The following WDR81 variants were observed in gnomAD, a reference collection of about 807,000 sequenced individuals.
WDR81 encodes WD repeat domain 81.
A neutral mutation model predicts 140.8 loss-of-function variants in WDR81; 92 were observed. The ratio of observed to expected loss-of-function variants is 0.65; its 90% CI spans 0.55 to 0.78. The LOEUF (loss-of-function observed/expected upper bound fraction) is 0.78. WDR81 is among the 30% of genes least tolerant of loss of function. WDR81 has a pLI of 0.00. For synonymous variants in WDR81, 1,183 were observed against 1,156.4 expected, an observed-to-expected ratio of 1.02 and a Z score of -0.47; for missense variants, 2,502 against 2,636.4, an observed-to-expected ratio of 0.95 and a Z score of 1.12.
intron 1 of WDR81, among the ~76,000 whole-genome samples, chr17:1,719,513 C>T (rs1242835928): frequency 6.7e-6 from 1 of 148,780 alleles, no homozygotes; most frequent in Non-Finnish European, 1.5e-5. Context: ...TGGGCCACTG[C>T]ACTCCAGCCT....
intron 1 of WDR81, among the ~76,000 whole-genome samples, chr17:1,730,000 AAAAAAG>A (rs1242317142): frequency 5.0e-5 from 5 of 100,482 alleles, no homozygotes; most frequent in African/African-American, 1.6e-4. Context: ...CAAAAAAAAA[AAAAAAG>A]AAGAAGAAGA....
At chr17:1,730,026 G>GAAGAGAAT (rs1162578760) in intron 1 of WDR81, among the ~76,000 whole-genome samples, 1 of 140,282 alleles carries the variant, frequency 7.1e-6, no homozygotes, top group Non-Finnish European at 1.6e-5. Flanking sequence ...AAGAAGAGAA[G>GAAGAGAAT]CAGGGAAAGG....
Position 1,734,754 on chromosome 17 carries a change from G to A in WDR81, c.5179+538G>A, listed in dbSNP as rs149546480. Among the ~76,000 whole-genome samples the A allele has an allele frequency of 4.2e-3, 628 of 150,092 alleles. 4 individuals carry two copies. Among genetic ancestry groups the A allele is most frequent in the African/African-American group, 0.014 (590 of 40,876 alleles). Reference sequence around the variant, plus strand: ...AGATCGCACCACTGCACTCCAGCCCGGGCAACAGAGCGAGACTCTGTCTCA... The same window carrying A: ...AGATCGCACCACTGCACTCCAGCCCAGGCAACAGAGCGAGACTCTGTCTCA... On this transcript the variant is annotated intron_variant, in intron 7 of 9. Coordinates refer to ENST00000409644, the MANE Select transcript of WDR81 (RefSeq NM_001163809.2).
At chr17:1,718,167 G>A (rs548832446) in intron 1 of WDR81, among the ~76,000 whole-genome samples, 1 of 151,976 alleles carries the variant, frequency 6.6e-6, no homozygotes, top group East Asian at 1.9e-4. Flanking sequence ...GCCCAGGCTG[G>A]AGTGCAGTGG....
chr17:1,725,056 A>G lies in WDR81; in HGVS notation c.97A>G (p.Ser33Gly). The change falls in exon 1 of 10, where the codon AGC becomes GGC. Residue 33 changes from serine (S) to glycine (G), a missense_variant. This residue lies in a region of WDR81 where 547 missense variants were observed against 513.8 expected (regional missense o/e 1.06). Coordinates refer to ENST00000409644, the MANE Select transcript of WDR81 (RefSeq NM_001163809.2). ...CCCAGACATGCAGGAGCTGCTCCGG[A>G]GCGTGGAGAGGGACCTGAGCATCGA... is the stretch of plus-strand genomic sequence containing the variant. ...PSPDMQELLR[S>G]VERDLSIDPR... 1 of 1,482,130 alleles carries G rather than the reference A, an allele frequency of 6.7e-7. No individual in the cohort carries two copies. Among genetic ancestry groups the G allele is most frequent in the Non-Finnish European group, 9.0e-7 (1 of 1,116,448 alleles). The allele number at this position is 1,482,130 out of a possible 1,614,324, so 91.8% of individuals were successfully genotyped here.
chr17:1,716,611 G>T, exon 1 of WDR81: 1 of 1,551,488 alleles, frequency 6.4e-7, no homozygotes. Context: ...TGACACCGTC[G>T]TTCCCAGAAC....
chr17:1,718,274 C>T (rs1048292222), intron 1 of WDR81, among the ~76,000 whole-genome samples: 1 of 152,200 alleles, frequency 6.6e-6, no homozygotes, highest in Admixed American at 6.5e-5. Context: ...TGCGCTACCA[C>T]TCCCAGCTAA....
chr17:1,732,562 G>T lies in WDR81; in HGVS notation c.4323+72G>T, dbSNP rs1278907017. The T allele has an allele frequency of 4.4e-6, 7 of 1,583,884 alleles. No homozygotes were observed. The East Asian group carries it at 1.6e-4, about 36-fold the overall frequency. ...ACCTGGGTGACCCCCTGGGCATCTTGCTCATAGGATCTGAAGCTGGACTCC... is the reference window on the plus strand; with the variant it reads ...ACCTGGGTGACCCCCTGGGCATCTTTCTCATAGGATCTGAAGCTGGACTCC... On this transcript the variant is annotated intron_variant, in intron 5 of 9. Coordinates refer to ENST00000409644, the MANE Select transcript of WDR81 (RefSeq NM_001163809.2).
chr17:1,726,247 G>T lies in WDR81; in HGVS notation c.1288G>T (p.Gly430Cys). 1 of 1,533,728 alleles carries T rather than the reference G, an allele frequency of 6.5e-7. No homozygotes were observed. Among genetic ancestry groups the T allele is most frequent in the African/African-American group, 1.4e-5 (1 of 72,982 alleles). ...TRQAFVAGGA[G>C]GGEPPHVPHH... ...GCAGGCATTCGTAGCAGGCGGGGCG[G>T]GCGGCGGGGAACCCCCTCATGTTCC... is the stretch of plus-strand genomic sequence containing the variant. Residue 430 changes from glycine to cysteine, a missense_variant, in exon 1 of 10, where the codon GGC becomes TGC. Gly to Cys is a radical substitution (Grantham distance 159). Coordinates refer to ENST00000409644, the MANE Select transcript of WDR81 (RefSeq NM_001163809.2).
chr17:1,737,415 C>T lies in WDR81; in HGVS notation c.5556C>T (p.Thr1852=), dbSNP rs1045794. 0.21 allele frequency: 337,140 copies of T among 1,612,654 alleles called. 36,835 individuals are homozygous for T. The highest frequency in any genetic ancestry group is 0.23 in the Non-Finnish European group (271,502 of 1,179,838). Residue 1852 remains threonine, a synonymous_variant, in exon 10 of 10, where the codon ACC becomes ACT. Coordinates refer to ENST00000409644, the MANE Select transcript of WDR81 (RefSeq NM_001163809.2). ...LVSSSSDHSL[T]VWKELEQKPT... ...GCTCCTCCTCTGACCATTCCTTGACCGTCTGGAAGGAGCTGGAGCAGAAGC... is the reference window on the plus strand; with the variant it reads ...GCTCCTCCTCTGACCATTCCTTGACTGTCTGGAAGGAGCTGGAGCAGAAGC...
At position 1,726,316 on chromosome 17, in the gene WDR81, T is replaced by C; in HGVS notation, c.1357T>C (p.Tyr453His). The C allele has an allele frequency of 6.5e-7, 1 of 1,544,446 alleles. No individual in the cohort carries two copies. Among genetic ancestry groups the C allele is most frequent in the Non-Finnish European group, 8.8e-7 (1 of 1,142,830 alleles). The change falls in exon 1 of 10, where the codon TAC becomes CAC. Residue 453 changes from tyrosine (Y) to histidine (H), a missense_variant. This residue lies in a region of WDR81 where 218 missense variants were observed against 279.6 expected (regional missense o/e 0.78). Transcript: ENST00000409644. ...DVLSDITYYV[Y>H]KARRTPRSVL... is the part of the protein sequence containing the mutation. ...GCTCTCCGACATCACGTACTATGTG[T>C]ACAAGGCTCGGCGCACGCCTCGGTC...
In WDR81 at chr17:1,730,843, C is replaced by T. The variant is rs546403974; in HGVS notation, c.3864C>T (p.Gly1288=). Residue 1288 remains glycine (G), a synonymous_variant, in exon 3 of 10, where the codon GGC becomes GGT. Transcript: ENST00000409644. ...TCTACCAGAAGAGGCCGGTCCTGGG[C>T]GACATCGTGTCAGGGCCTGTGCTCA... The part of the protein sequence containing the change: ...GNIYQKRPVL[G]DIVSGPVLSC... The T allele has an allele frequency of 4.0e-5, 65 of 1,612,766 alleles. No individual in the cohort carries two copies. The South Asian group carries it at 5.4e-4, about 13-fold the overall frequency.
intron 6 of WDR81, 194 bp downstream of exon 6, chr17:1,733,025 G>C: frequency 1.5e-6 from 1 of 667,884 alleles, no homozygotes; most frequent in Non-Finnish European, 2.4e-6. Context: ...TAGCCAGCAA[G>C]AGAGGCCCAG....
Position 1,725,351 on chromosome 17 carries a change from G to T in WDR81, c.392G>T (p.Gly131Val). 6.5e-7 allele frequency: 1 copy of T among 1,549,232 alleles called. No homozygotes were observed. The highest frequency in any genetic ancestry group is 8.7e-7 in the Non-Finnish European group (1 of 1,146,966). The change falls in exon 1 of 10, where the codon GGC becomes GTC. Residue 131 changes from glycine to valine, a missense_variant. Gly to Val is a moderately radical substitution (Grantham distance 109, BLOSUM62 -3). Around this residue, in one of 3 missense-constraint regions of WDR81, gnomAD observed 547 missense variants for 513.8 expected, o/e 1.06. Coordinates refer to ENST00000409644, the MANE Select transcript of WDR81 (RefSeq NM_001163809.2). ...GGLPFEDGSC[G>V]PETLTRFMQE... is the part of the protein sequence containing the mutation. ...CTGCCCTTTGAGGACGGGTCCTGCGGCCCTGAGACCCTCACTCGCTTCATG... is the reference window on the plus strand; with the variant it reads ...CTGCCCTTTGAGGACGGGTCCTGCGTCCCTGAGACCCTCACTCGCTTCATG...
chr17:1,726,165 C>T lies in WDR81; in HGVS notation c.1206C>T (p.Ser402=), dbSNP rs1915238599. Reference sequence around the variant, plus strand: ...GGCGCTTCCGAGACCTGCGCAAGTCCAAGTTCCGCCTCAACAAGGGGGATA... The same window carrying T: ...GGCGCTTCCGAGACCTGCGCAAGTCTAAGTTCCGCCTCAACAAGGGGGATA... ...PHGRFRDLRK[S]KFRLNKGDKQ... is the part of the protein sequence containing the mutation. The change falls in exon 1 of 10, where the codon TCC becomes TCT. Residue 402 remains serine (S), a synonymous_variant. Coordinates refer to ENST00000409644, the MANE Select transcript of WDR81 (RefSeq NM_001163809.2). 1 of 1,518,120 alleles carries T rather than the reference C, an allele frequency of 6.6e-7. No homozygotes were observed. Among genetic ancestry groups the T allele is most frequent in the Non-Finnish European group, 8.9e-7 (1 of 1,126,006 alleles). The allele number at this position is 1,518,120 out of a possible 1,614,324, so 94.0% of individuals were successfully genotyped here.
Position 1,725,938 on chromosome 17 carries a change from G to A in WDR81, c.979G>A (p.Val327Met). ...APVARDEAGI[V>M]SQEEQGGQPG... ...TGTGGCAAGGGATGAGGCGGGCATT[G>A]TGTCTCAAGAGGAGCAGGGAGGGCA... is the stretch of plus-strand genomic sequence containing the variant. Residue 327 changes from valine (V) to methionine (M), a missense_variant, in exon 1 of 10, where the codon GTG (valine) becomes ATG (methionine). Transcript: ENST00000409644. 1 of 1,550,822 alleles carries A rather than the reference G, an allele frequency of 6.4e-7. No individual in the cohort carries two copies.
Position 1,736,081 on chromosome 17 carries a change from C to A in WDR81, c.5368C>A (p.Arg1790Ser). 1.2e-6 allele frequency: 2 copies of A among 1,601,628 alleles called. No individual in the cohort carries two copies. Among genetic ancestry groups the A allele is most frequent in the African/African-American group, 1.3e-5 (1 of 75,038 alleles). Residue 1790 changes from arginine (R) to serine (S), a missense_variant, in exon 9 of 10, where the codon CGT becomes AGT. Physicochemically the swap from Arg to Ser is moderately radical, Grantham distance 110. Around this residue, in one of 3 missense-constraint regions of WDR81, gnomAD observed 1,737 missense variants for 1,843.0 expected, o/e 0.94. Coordinates refer to ENST00000409644, the MANE Select transcript of WDR81 (RefSeq NM_001163809.2). ...CGGTGGGCTGAACCCTGGGCTTGTC[C>A]GTGCCCTGGCCATCAGCCCCAGTGG... ...LGGGLNPGLV[R>S]ALAISPSGRS...
intron 4 of WDR81, among the ~76,000 whole-genome samples, 176 bp from the exon 5 acceptor site, chr17:1,732,149 A>C (rs1191595012): frequency 6.6e-6 from 1 of 152,174 alleles, no homozygotes; most frequent in Non-Finnish European, 1.5e-5. Context: ...AGGCAGGAGA[A>C]TCGCTTGAAC....
intron 4 of WDR81, among the ~76,000 whole-genome samples, chr17:1,731,775 T>C (rs893439495): frequency 2.7e-5 from 4 of 150,558 alleles, no homozygotes; most frequent in South Asian, 2.1e-4. Context: ...TGGCAGCAGG[T>C]GCCTGCAATC....
Sources: gnomAD v4.1 joint callset for allele counts (sites outside exome capture counted in the v4.1 genomes callset) on GRCh38, gnomAD v4.1.1 for gene constraint, gnomAD v4.1.1 regional missense constraint, MANE v1.5 for transcripts, NCBI Gene and HGNC (gene_info 2026-07-23, HGNC 2026-07-21) for gene names.